Variants in FKBP15 observed in about 807,000 individuals in gnomAD.
The protein encoded by FKBP15 is FK506-binding protein 15.
Under a neutral mutation model 158.1 loss-of-function variants are expected in FKBP15, and 106 were observed. That is an observed-to-expected ratio of 0.67 (90% confidence interval 0.57 to 0.79). The LOEUF is 0.79. Ranked by LOEUF, FKBP15 falls within the 30% of genes least tolerant of loss-of-function variation. FKBP15 has a pLI of 0.00. For missense variants in FKBP15, 1,287 were observed against 1,479.1 expected, an observed-to-expected ratio of 0.87 and a Z score of 2.13; for synonymous variants, 547 against 548.6, an observed-to-expected ratio of 1.00 and a Z score of 0.04.
chr9:113,174,227 C>T lies in FKBP15; in HGVS notation c.2379+201G>A, dbSNP rs539913190. 2.6e-5 allele frequency among the ~76,000 whole-genome samples: 4 copies of T among 152,252 alleles called. No individual in the cohort carries two copies. In the South Asian group the frequency reaches 8.3e-4, roughly 32 times the overall value. ...CTTATGTAATTAAATATTAACTAAG[C>T]TTTAAAAAAAGAAAGAAGATTCTCC... On this transcript the variant is annotated intron_variant, in intron 22 of 27. Transcript: ENST00000238256.
intron 27 of FKBP15, among the ~76,000 whole-genome samples, chr9:113,167,504 T>C (rs1196463241): frequency 6.6e-6 from 1 of 152,122 alleles, no homozygotes; most frequent in African/African-American, 2.4e-5. Context: ...GAAAGACTCA[T>C]GGAAGGAACT....
In FKBP15 at chr9:113,190,584, A is replaced by G; in HGVS notation, c.1066-6T>C. On this transcript the variant is annotated splice_polypyrimidine_tract_variant and splice_region_variant and intron_variant, in intron 11 of 27. Coordinates refer to ENST00000238256, the MANE Select transcript of FKBP15 (RefSeq NM_015258.2). ...GCTTTGACTGCATCGGGACTCTAAA[A>G]AGAGAGGAAAGTCACAAAAATCACT... 6.3e-7 allele frequency: 1 copy of G among 1,599,214 alleles called. No individual in the cohort carries two copies. The highest frequency in any genetic ancestry group is 8.5e-7 in the Non-Finnish European group (1 of 1,171,770).
intron 6 of FKBP15, among the ~76,000 whole-genome samples, chr9:113,202,122 A>G (rs7033282): frequency 0.23 from 34,756 of 151,948 alleles, 4,716 homozygotes; most frequent in African/African-American, 0.36. Context: ...TTGAACTCCT[A>G]GGCTCAAGTG....
chr9:113,193,479 C>G lies in FKBP15; in HGVS notation c.1065+13G>C. The G allele has an allele frequency of 6.3e-7, 1 of 1,582,472 alleles. No individual in the cohort carries two copies. On this transcript the variant is annotated intron_variant, in intron 11 of 27. Coordinates refer to ENST00000238256, the MANE Select transcript of FKBP15 (RefSeq NM_015258.2). The stretch of plus-strand genomic sequence containing the variant: ...TGTGAACCACCATGCCTGGCCAAGA[C>G]TCTTATACTTACTGTATTTATTGCA...
chr9:113,221,227 TC>T lies in FKBP15; in HGVS notation c.16del (p.Asp6ThrfsTer64). 6.2e-7 allele frequency: 1 copy of T among 1,609,298 alleles called. No individual in the cohort carries two copies. Among genetic ancestry groups the T allele is most frequent in the Non-Finnish European group, 8.5e-7 (1 of 1,177,938 alleles). Reference sequence around the variant, plus strand: ...CGAGAGGAAATCGGTGTCGTCCTCGTCCCCCGCACCGAACATTGCGTTGGCT... The same window carrying T: ...CGAGAGGAAATCGGTGTCGTCCTCGTCCCCGCACCGAACATTGCGTTGGCT... The part of the protein sequence containing the change: MFGAG[D>X]EDDTDFLSPS... On this transcript the variant is annotated frameshift_variant, in exon 1 of 28. Coordinates refer to ENST00000238256, the MANE Select transcript of FKBP15 (RefSeq NM_015258.2). LOFTEE classifies it high-confidence loss of function.
intron 11 of FKBP15, among the ~76,000 whole-genome samples, chr9:113,190,972 C>A (rs1172620663): frequency 6.6e-6 from 1 of 152,148 alleles, no homozygotes; most frequent in African/African-American, 2.4e-5. Context: ...CAGAAGAGAT[C>A]TGTGGAGAAA....
chr9:113,215,644 ATTT>A (rs1285341545), intron 1 of FKBP15, among the ~76,000 whole-genome samples: 3,047 of 61,080 alleles, frequency 0.05, 41 homozygotes, highest in South Asian at 0.14. Context: ...ATATATATAT[ATTT>A]TTTTTTTTTT....
chr9:113,206,048 A>C (rs34320546), intron 4 of FKBP15: 21,041 of 153,906 alleles, frequency 0.14, 1,842 homozygotes, highest in Non-Finnish European at 0.18. Context: ...CTTAATGGTT[A>C]CACTTTCTGT....
intron 2 of FKBP15, among the ~76,000 whole-genome samples, chr9:113,208,453 G>T (rs1471977189): frequency 1.3e-5 from 2 of 152,212 alleles, no homozygotes; most frequent in Admixed American, 1.3e-4. Context: ...TGGAAGAGTA[G>T]TGAGATAATA....
At chr9:113,195,300 G>T (rs1246998823) in intron 9 of FKBP15, among the ~76,000 whole-genome samples, 4 of 152,078 alleles carry the variant, frequency 2.6e-5, no homozygotes, top group Non-Finnish European at 5.9e-5. Flanking sequence ...TGCCACATGG[G>T]GTATGATTCT....
At chr9:113,187,170 T>C (rs767926346) in intron 14 of FKBP15, 8 of 152,560 alleles carry the variant, frequency 5.2e-5, no homozygotes, top group African/African-American at 1.9e-4. Context: ...AGACTCCCCA[T>C]GTTAATGAGG....
intron 11 of FKBP15, among the ~76,000 whole-genome samples, chr9:113,190,948 T>A (rs1370315620): frequency 6.6e-6 from 1 of 152,106 alleles, no homozygotes; most frequent in Non-Finnish European, 1.5e-5. Flanking sequence ...CCTGAAGCAA[T>A]TCGGTAGATA....
intron 1 of FKBP15, among the ~76,000 whole-genome samples, chr9:113,215,461 G>A (rs568744192): frequency 3.3e-5 from 5 of 151,498 alleles, no homozygotes; most frequent in East Asian, 1.9e-4. Context: ...TTATGTGAGC[G>A]TGGTTTGTGG....
Position 113,190,572 on chromosome 9 carries a change from C to T in FKBP15, c.1072G>A (p.Asp358Asn), listed in dbSNP as rs375150301. The T allele has an allele frequency of 4.4e-5, 71 of 1,607,610 alleles. No homozygotes were observed. The highest frequency in any genetic ancestry group is 4.8e-5 in the Non-Finnish European group (56 of 1,176,826). The stretch of plus-strand genomic sequence containing the variant: ...GAGATCAACTTGGCTTTGACTGCAT[C>T]GGGACTCTAAAAAGAGAGGAAAGTC... ...SEQLAINTSP[D>N]AVKAKLISRM... The change falls in exon 12 of 28, where the codon GAT (aspartate) becomes AAT (asparagine). Residue 358 changes from aspartate to asparagine, a missense_variant. Asp to Asn is a conservative substitution (Grantham distance 23, BLOSUM62 1). Coordinates refer to ENST00000238256, the MANE Select transcript of FKBP15 (RefSeq NM_015258.2).
rs142690081 is a variant in FKBP15 at position 113,162,720 on chromosome 9, G to A, written c.*3358C>T. 6 of 1,595,886 alleles carry A rather than the reference G, an allele frequency of 3.8e-6. No individual in the cohort carries two copies. In the East Asian group the frequency reaches 1.3e-4, roughly 36 times the overall value. ...CTTCCTCATTACCAGCTCATTACCA[G>A]GATTAACTTGCTTCTCCTTTTTATC... On this transcript the variant is annotated 3_prime_UTR_variant, in exon 28 of 28. Transcript: ENST00000238256.
In FKBP15 at chr9:113,167,360, CTAAT is replaced by C. The variant is rs369729712; in HGVS notation, c.3582+1096_3582+1099del. 1.2e-4 allele frequency among the ~76,000 whole-genome samples: 18 copies of C among 152,286 alleles called. 1 individual carries two copies. In the East Asian group the frequency reaches 3.3e-3, roughly 28 times the overall value. On this transcript the variant is annotated intron_variant, in intron 27 of 27. Coordinates refer to ENST00000238256, the MANE Select transcript of FKBP15 (RefSeq NM_015258.2). ...GGTACTAATACCAATAATATGCTCACTAATTAAAAGCTTCCAACTATATTTAGGG... is the reference window on the plus strand; with the variant it reads ...GGTACTAATACCAATAATATGCTCACTAAAAGCTTCCAACTATATTTAGGG...
chr9:113,187,616 G>A (rs1313746720), intron 14 of FKBP15, 177 bp downstream of exon 14: 5 of 600,496 alleles, frequency 8.3e-6, no homozygotes, highest in African/African-American at 1.9e-5. Context: ...ACACTGGAAC[G>A]TAGGTTATCC....
chr9:113,215,471 GCAA>G (rs1011326109), intron 1 of FKBP15, among the ~76,000 whole-genome samples: 1 of 151,388 alleles, frequency 6.6e-6, no homozygotes, highest in African/African-American at 2.4e-5. Context: ...GTGGTTTGTG[GCAA>G]CAACAATTAC....
chr9:113,193,646 G>T, intron 10 of FKBP15, 97 bp from the exon 11 acceptor site: 1 of 1,007,980 alleles, frequency 9.9e-7, no homozygotes, highest in Non-Finnish European at 1.5e-6. Flanking sequence ...TTAAATGTGT[G>T]CCAATTTAAT....
Sources: allele counts gnomAD v4.1 joint callset (sites outside exome capture counted in the v4.1 genomes callset), GRCh38; gene constraint gnomAD v4.1.1; transcripts MANE v1.5; gene names NCBI Gene and HGNC (gene_info 2026-07-23, HGNC 2026-07-21).